The following SGCG variants were observed in gnomAD, a reference collection of about 807,000 sequenced individuals.
SGCG encodes sarcoglycan gamma, also known as gamma-sarcoglycan.
Under a neutral mutation model 29.3 loss-of-function variants are expected in SGCG, and 26 were observed. The ratio of observed to expected loss-of-function variants is 0.89; its 90% confidence interval spans 0.65 to 1.23. SGCG has a LOEUF of 1.23. Among genes scored for constraint, SGCG ranks in the 50% most tolerant of loss-of-function variants. The pLI, the probability that SGCG is intolerant of heterozygous loss-of-function variation, is 0.00. For missense variants in SGCG, 353 were observed against 356.0 expected (o/e 0.99, Z 0.07); for synonymous variants, 145 against 129.7 (o/e 1.12, Z -0.80).
intron 2 of SGCG, among the ~76,000 whole-genome samples, chr13:23,206,653 T>A (rs1877991649): frequency 6.6e-6 from 1 of 152,220 alleles, no homozygotes; most frequent in Admixed American, 6.5e-5. Flanking sequence ...AGTTCCTGAT[T>A]TCCATTCTTT....
intron 6 of SGCG, among the ~76,000 whole-genome samples, chr13:23,311,786 A>T (rs973750146): frequency 2.0e-5 from 3 of 152,186 alleles, no homozygotes; most frequent in African/African-American, 7.2e-5. Flanking sequence ...TTATCTTTCT[A>T]TCTAATTTCT....
At chr13:23,301,591 A>G (rs1346534282) in intron 6 of SGCG, among the ~76,000 whole-genome samples, 8 of 152,200 alleles carry the variant, frequency 5.3e-5, no homozygotes, top group Non-Finnish European at 1.2e-4. Flanking sequence ...AATAGCATTA[A>G]TAAGAATCAA....
chr13:23,195,425 G>T lies in SGCG; in HGVS notation c.1-8270G>T, dbSNP rs190405719. ...CAGTTTTATAAGCTAACATTTGTAG[G>T]CCTGTGGGTTTGAGCTTGTTTTTAT... is the stretch of plus-strand genomic sequence containing the variant. On this transcript the variant is annotated intron_variant, in intron 1 of 7. Transcript: ENST00000218867. Among the ~76,000 whole-genome samples the T allele has an allele frequency of 2.6e-5, 4 of 151,972 alleles. No homozygotes were observed. The East Asian group carries it at 7.7e-4, about 29-fold the overall frequency.
At chr13:23,241,813 A>G (rs9578561) in intron 3 of SGCG, among the ~76,000 whole-genome samples, 24,417 of 152,192 alleles carry the variant, frequency 0.16, 2,179 homozygotes, top group South Asian at 0.19. Flanking sequence ...ACATCACATC[A>G]ATAGAATGAA....
upstream of SGCG, among the ~76,000 whole-genome samples, chr13:23,179,863 T>C (rs1876672799): frequency 1.3e-5 from 2 of 152,190 alleles, no homozygotes; most frequent in African/African-American, 2.4e-5. Context: ...TGTTATTGCA[T>C]TGCTCCTTTT....
At chr13:23,247,532 CT>C (rs1879760695) in intron 3 of SGCG, among the ~76,000 whole-genome samples, 1 of 152,026 alleles carries the variant, frequency 6.6e-6, no homozygotes, top group South Asian at 2.1e-4. Flanking sequence ...CTGCAGCCTG[CT>C]TTTGATCACT....
chr13:23,206,753 C>G (rs955189029), intron 2 of SGCG, among the ~76,000 whole-genome samples: 7 of 152,060 alleles, frequency 4.6e-5, no homozygotes, highest in African/African-American at 1.7e-4. Context: ...TAGAAATAAA[C>G]TTAACTAAGA....
At chr13:23,225,837 G>A (rs1272268323) in intron 2 of SGCG, among the ~76,000 whole-genome samples, 1 of 149,918 alleles carries the variant, frequency 6.7e-6, no homozygotes, top group Non-Finnish European at 1.5e-5. Context: ...TTATTTCTGT[G>A]CCTATCTATA....
chr13:23,241,512 A>C (rs1419123380), intron 3 of SGCG, among the ~76,000 whole-genome samples: 3 of 152,200 alleles, frequency 2.0e-5, no homozygotes, highest in Non-Finnish European at 4.4e-5. Flanking sequence ...CAGGACCAGA[A>C]GGCTTCACCG....
chr13:23,302,302 A>C (rs1051840567), intron 6 of SGCG, among the ~76,000 whole-genome samples: 1 of 151,650 alleles, frequency 6.6e-6, no homozygotes, highest in Non-Finnish European at 1.5e-5. Flanking sequence ...GTGACTATAG[A>C]ATTTTTAAAA....
At chr13:23,246,080 T>TCAG (rs201642426) in intron 3 of SGCG, 3 of 152,380 alleles carry the variant, frequency 2.0e-5, no homozygotes, top group Admixed American at 6.6e-5. Context: ...AAGAGCAGCT[T>TCAG]CAGCAGCAGC....
chr13:23,207,067 A>G (rs2137506168), intron 2 of SGCG, among the ~76,000 whole-genome samples: 1 of 152,362 alleles, frequency 6.6e-6, no homozygotes, highest in East Asian at 1.9e-4. Context: ...ATTTTGAAAT[A>G]TATTTCAAAG....
At chr13:23,174,326 T>A in the SGCG span, among the ~76,000 whole-genome samples, 1 of 152,276 alleles carries the variant, frequency 6.6e-6, no homozygotes, top group Non-Finnish European at 1.5e-5. Flanking sequence ...TGGTCATGAT[T>A]ACTACAAGTT....
At chr13:23,215,985 C>T (rs554482794) in intron 2 of SGCG, among the ~76,000 whole-genome samples, 9 of 151,880 alleles carry the variant, frequency 5.9e-5, no homozygotes, top group East Asian at 3.9e-4. Context: ...ACTCAGAAAA[C>T]GAGATATGTA....
intron 4 of SGCG, among the ~76,000 whole-genome samples, chr13:23,257,866 G>A (rs1054015172): frequency 6.6e-6 from 1 of 152,104 alleles, no homozygotes; most frequent in African/African-American, 2.4e-5. Flanking sequence ...TAGATAAGCG[G>A]CGTTATTTCT....
At chr13:23,174,880 A>G in the SGCG span, among the ~76,000 whole-genome samples, 4 of 151,900 alleles carry the variant, frequency 2.6e-5, no homozygotes, top group African/African-American at 9.7e-5. Flanking sequence ...TTCAAATGGA[A>G]TGGAATGGAA....
At chr13:23,296,790 A>G (rs1451109405) in intron 6 of SGCG, among the ~76,000 whole-genome samples, 1 of 152,092 alleles carries the variant, frequency 6.6e-6, no homozygotes, top group Non-Finnish European at 1.5e-5. Context: ...CCATACATAA[A>G]TTTATTATTT....
At chr13:23,279,552 A>G in intron 5 of SGCG, 74 bp downstream of exon 5, 2 of 1,446,968 alleles carry the variant, frequency 1.4e-6, no homozygotes, top group Non-Finnish European at 9.6e-7. Context: ...ACTATTGACA[A>G]GTTTATGTGG....
chr13:23,176,959 T>C (rs569456653), upstream of SGCG, among the ~76,000 whole-genome samples: 2 of 152,298 alleles, frequency 1.3e-5, no homozygotes, highest in South Asian at 2.1e-4. Flanking sequence ...AGCCAAGATA[T>C]AGAATCAGCC....
Sources: gnomAD v4.1 joint callset for allele counts (sites outside exome capture counted in the v4.1 genomes callset) on GRCh38, gnomAD v4.1.1 for gene constraint, MANE v1.5 for transcripts, NCBI Gene and HGNC (gene_info 2026-07-23, HGNC 2026-07-21) for gene names.